Variants in TMEM132D observed in about 807,000 individuals in gnomAD.
TMEM132D encodes the protein transmembrane protein 132D, also known as mature OL transmembrane protein.
In TMEM132D, 21 loss-of-function variants were observed where a neutral mutation model predicts 62.3. The observed-to-expected ratio is 0.34, with a 90% CI of 0.24 to 0.49. TMEM132D has a LOEUF of 0.49. Ranked by LOEUF, TMEM132D falls within the 20% of genes least tolerant of loss-of-function variation. TMEM132D has a pLI of 0.99. For missense variants in TMEM132D, 1,346 were observed against 1,402.8 expected (o/e 0.96, Z 0.65); for synonymous variants, 621 against 575.6 (o/e 1.08, Z -1.13).
At chr12:129,205,982 C>T (rs1333941303) in intron 5 of TMEM132D, among the ~76,000 whole-genome samples, 2 of 152,122 alleles carry the variant, frequency 1.3e-5, no homozygotes, top group East Asian at 1.9e-4. Context: ...AAATGTAAAA[C>T]TCAAAACTAT....
intron 5 of TMEM132D, among the ~76,000 whole-genome samples, chr12:129,129,616 A>G (rs1445597646): frequency 3.3e-5 from 5 of 152,188 alleles, no homozygotes; most frequent in East Asian, 1.9e-4. Flanking sequence ...AACAGTGTAT[A>G]AGAGTTCCCT....
intron 5 of TMEM132D, among the ~76,000 whole-genome samples, chr12:129,137,522 C>T (rs138327374): frequency 6.6e-6 from 1 of 152,270 alleles, no homozygotes; most frequent in African/African-American, 2.4e-5. Flanking sequence ...AAATTTCATC[C>T]TTCACCCCTC....
chr12:129,236,129 T>C (rs1156815378), intron 4 of TMEM132D, among the ~76,000 whole-genome samples: 4 of 124,896 alleles, frequency 3.2e-5, no homozygotes, highest in African/African-American at 1.3e-4. Context: ...TGTGTGTGTG[T>C]GTGTGTATGT....
At chr12:129,707,364 T>C (rs190961609) in intron 1 of TMEM132D, among the ~76,000 whole-genome samples, 2 of 151,640 alleles carry the variant, frequency 1.3e-5, no homozygotes, top group Admixed American at 6.6e-5. Flanking sequence ...TAGTCTCTCA[T>C]ACAAAAATTT....
At chr12:129,205,917 A>G (rs1377292896) in intron 5 of TMEM132D, among the ~76,000 whole-genome samples, 1 of 152,110 alleles carries the variant, frequency 6.6e-6, no homozygotes, top group African/African-American at 2.4e-5. Flanking sequence ...CTCCTGAATG[A>G]CCTACCCCTT....
At chr12:129,119,646 A>G (rs1277617310) in intron 5 of TMEM132D, among the ~76,000 whole-genome samples, 1 of 152,166 alleles carries the variant, frequency 6.6e-6, no homozygotes, top group Non-Finnish European at 1.5e-5. Flanking sequence ...AGCACTAACT[A>G]GAGCTACAAA....
At chr12:129,823,403 A>G (rs1257104051) in intron 1 of TMEM132D, among the ~76,000 whole-genome samples, 1 of 152,200 alleles carries the variant, frequency 6.6e-6, no homozygotes, top group East Asian at 1.9e-4. Flanking sequence ...CATAAGCCAT[A>G]TTTTTTATAC....
chr12:129,140,250 T>C (rs1876701016), intron 5 of TMEM132D, among the ~76,000 whole-genome samples: 1 of 124,072 alleles, frequency 8.1e-6, no homozygotes, highest in African/African-American at 2.9e-5. Context: ...ACACGGTAAC[T>C]ATGTGAGAAG....
At chr12:129,323,767 C>T (rs1868800513) in intron 4 of TMEM132D, among the ~76,000 whole-genome samples, 2 of 152,212 alleles carry the variant, frequency 1.3e-5, no homozygotes, top group South Asian at 4.1e-4. Context: ...ACAGTGCTAG[C>T]CATGTCATCT....
intron 5 of TMEM132D, among the ~76,000 whole-genome samples, chr12:129,201,974 C>T (rs1878716098): frequency 1.3e-5 from 2 of 151,336 alleles, no homozygotes; most frequent in Admixed American, 1.3e-4. Flanking sequence ...TTATTGCAAA[C>T]ATCTGAAATG....
At chr12:129,901,393 CT>C (rs935834675) in intron 1 of TMEM132D, among the ~76,000 whole-genome samples, 1 of 151,880 alleles carries the variant, frequency 6.6e-6, no homozygotes, top group African/African-American at 2.4e-5. Context: ...TGATTTTTTT[CT>C]TGTTCTTTGA....
At chr12:129,661,662 CT>C (rs1880241086) in intron 2 of TMEM132D, among the ~76,000 whole-genome samples, 1 of 152,200 alleles carries the variant, frequency 6.6e-6, no homozygotes. Flanking sequence ...AAAAGTAGCT[CT>C]TTCATAGGTG....
At chr12:129,154,567 A>G (rs988935723) in intron 5 of TMEM132D, among the ~76,000 whole-genome samples, 1 of 152,180 alleles carries the variant, frequency 6.6e-6, no homozygotes. Flanking sequence ...ATTTGTAAAT[A>G]AGATGTAATA....
chr12:129,445,317 G>T (rs545703146), intron 3 of TMEM132D, among the ~76,000 whole-genome samples: 2 of 152,252 alleles, frequency 1.3e-5, no homozygotes, highest in Admixed American at 1.3e-4. Flanking sequence ...GGAGGGTGGA[G>T]TGTGGGAGGA....
intron 8 of TMEM132D, among the ~76,000 whole-genome samples, chr12:129,076,090 A>ACTCTATTACTCTCTCT (rs1555227646): frequency 2.6e-5 from 4 of 151,504 alleles, no homozygotes; most frequent in African/African-American, 9.7e-5. Flanking sequence ...AGCCAGCATT[A>ACTCTATTACTCTCTCT]CTCTCTCTCT....
intron 2 of TMEM132D, among the ~76,000 whole-genome samples, chr12:129,627,271 A>G (rs1593095612): frequency 6.6e-6 from 1 of 152,146 alleles, no homozygotes; most frequent in Non-Finnish European, 1.5e-5. Flanking sequence ...ATATAATACC[A>G]TATTTTGACT....
intron 2 of TMEM132D, among the ~76,000 whole-genome samples, chr12:129,533,392 G>A (rs1183086529): frequency 1.3e-5 from 2 of 152,284 alleles, no homozygotes; most frequent in East Asian, 1.9e-4. Context: ...AGTACAATCC[G>A]CTGTGGACAG....
chr12:129,717,267 GCTT>G (rs1417105784), intron 1 of TMEM132D, among the ~76,000 whole-genome samples: 2 of 152,184 alleles, frequency 1.3e-5, no homozygotes, highest in African/African-American at 4.8e-5. Flanking sequence ...GGTGTGTTCT[GCTT>G]CTTAAGTGAT....
intron 1 of TMEM132D, among the ~76,000 whole-genome samples, chr12:129,835,095 G>A (rs1304771002): frequency 6.6e-6 from 1 of 152,178 alleles, no homozygotes; most frequent in Non-Finnish European, 1.5e-5. Flanking sequence ...AAAGACACGG[G>A]ATATTTGAGG....
Sources: gnomAD v4.1 joint callset for allele counts (sites outside exome capture counted in the v4.1 genomes callset) on GRCh38, gnomAD v4.1.1 for gene constraint, MANE v1.5 for transcripts, NCBI Gene and HGNC (gene_info 2026-07-23, HGNC 2026-07-21) for gene names.